DHX57: variants seen among roughly 807,000 people sequenced by gnomAD.
DHX57 encodes the protein putative ATP-dependent RNA helicase DHX57.
A neutral mutation model predicts 156.2 loss-of-function variants in DHX57; 105 were observed. The observed-to-expected ratio is 0.67, with a 90% CI of 0.57 to 0.79. DHX57 has a LOEUF of 0.79. Among genes scored for constraint, DHX57 ranks in the 30% least tolerant of loss-of-function variants. The pLI is 0.00. For missense variants in DHX57, 1,847 were observed against 1,661.9 expected (o/e 1.11, Z -1.94); for synonymous variants, 704 against 595.6 (o/e 1.18, Z -2.65).
rs776039924 is a variant in DHX57, at chr2:38,847,095, A to C, written c.2165-22T>G. On this transcript the variant is annotated intron_variant, in intron 10 of 23. Coordinates refer to ENST00000457308, the MANE Select transcript of DHX57 (RefSeq NM_198963.3). The stretch of plus-strand genomic sequence containing the variant: ...CGACCTAGAAAAACAAGGAGACAAA[A>C]TAGAAAGCCTGAGAACACCCATTCA... 2.5e-6 allele frequency: 4 copies of C among 1,605,368 alleles called. 1 individual carries two copies. The South Asian group carries it at 4.4e-5, about 18-fold the overall frequency.
At chr2:38,852,542 A>C (rs760493621) in intron 9 of DHX57, among the ~76,000 whole-genome samples, 1 of 151,764 alleles carries the variant, frequency 6.6e-6, no homozygotes, top group Non-Finnish European at 1.5e-5. Context: ...CCACATGACA[A>C]ACTATGATTA....
chr2:38,861,601 C>G lies in DHX57; in HGVS notation c.809G>C (p.Arg270Thr), dbSNP rs1309769748. 2.5e-6 allele frequency: 4 copies of G among 1,614,192 alleles called. No individual in the cohort carries two copies. The South Asian group carries it at 3.3e-5, about 13-fold the overall frequency. ...CAGTTCTAACCCAATGGTCCAGACT[C>G]TGTTCTGAATTCTTTCTATAAATTT... is the stretch of plus-strand genomic sequence containing the variant. ...GEKFIERIQN[R>T]VWTIGLELEY... Residue 270 changes from arginine to threonine, a missense_variant, in exon 5 of 24, where the codon AGA becomes ACA. By Grantham distance (71) the Arg-to-Thr change is moderately conservative. Transcript: ENST00000457308.
intron 5 of DHX57, among the ~76,000 whole-genome samples, chr2:38,860,615 A>G (rs1233756212): frequency 6.6e-6 from 1 of 152,234 alleles, no homozygotes; most frequent in Non-Finnish European, 1.5e-5. Context: ...TATAGAAAGC[A>G]AAATATCTCT....
rs1167208393 is a variant in DHX57 at position 38,797,971 on chromosome 2, A to G, written c.*328T>C. 1 of 207,138 alleles carries G rather than the reference A, an allele frequency of 4.8e-6. No homozygotes were observed. Among genetic ancestry groups the G allele is most frequent in the Non-Finnish European group, 1.1e-5 (1 of 93,998 alleles). 12.8% of individuals were successfully genotyped at this position (207,138 alleles called of 1,614,324 possible). A position where few individuals can be genotyped will look rare whatever the true frequency, so the allele number is the denominator to read the frequency against. ...GTAAAAAGTAGGAGAAAAAGAATAC[A>G]CAGATTAAAACAGAATTGTATTATA... On this transcript the variant is annotated 3_prime_UTR_variant, in exon 24 of 24. Transcript: ENST00000457308.
intron 1 of DHX57, among the ~76,000 whole-genome samples, chr2:38,875,545 C>G (rs1200056554): frequency 2.6e-5 from 4 of 152,180 alleles, no homozygotes; most frequent in Non-Finnish European, 4.4e-5. Context: ...CGGCCCCAAC[C>G]TGCAGTTTGA....
intron 2 of DHX57, among the ~76,000 whole-genome samples, chr2:38,865,328 C>T (rs1351941002): frequency 6.6e-6 from 1 of 152,132 alleles, no homozygotes; most frequent in Non-Finnish European, 1.5e-5. Context: ...AGTAACTTCT[C>T]ACGAGATCTG....
chr2:38,832,341 G>A (rs976727308), intron 13 of DHX57, among the ~76,000 whole-genome samples: 15 of 151,954 alleles, frequency 9.9e-5, no homozygotes, highest in Middle Eastern at 3.2e-3. Flanking sequence ...ACGGGAGGCT[G>A]AGGCAGGACA....
At chr2:38,825,796 T>A (rs753496198) in intron 16 of DHX57, 51 bp downstream of exon 16, 3 of 1,573,502 alleles carry the variant, frequency 1.9e-6, no homozygotes, top group Non-Finnish European at 2.6e-6. Flanking sequence ...CTTAATAGAG[T>A]GAGAAACATT....
chr2:38,818,312 G>T (rs926268116), intron 19 of DHX57, among the ~76,000 whole-genome samples: 1 of 152,118 alleles, frequency 6.6e-6, no homozygotes, highest in Non-Finnish European at 1.5e-5. Context: ...GGATCATGAG[G>T]TCAGGAGTTC....
intron 12 of DHX57, among the ~76,000 whole-genome samples, chr2:38,840,925 C>A (rs947458059): frequency 6.6e-6 from 1 of 152,112 alleles, no homozygotes; most frequent in African/African-American, 2.4e-5. Context: ...CTCAAGCAAT[C>A]CTCCCGCCTC....
chr2:38,846,897 C>A, intron 11 of DHX57, 122 bp downstream of exon 11: 1 of 625,514 alleles, frequency 1.6e-6, no homozygotes, highest in Admixed American at 3.4e-5. Context: ...ATATGTTGCC[C>A]AAGCTGGTCT....
intron 9 of DHX57, among the ~76,000 whole-genome samples, chr2:38,851,873 A>G (rs1314419641): frequency 6.6e-6 from 1 of 152,198 alleles, no homozygotes; most frequent in Non-Finnish European, 1.5e-5. Flanking sequence ...ATTTTGTTAA[A>G]AAAATTTCTT....
At chr2:38,830,510 C>T (rs1671323475) in intron 13 of DHX57, among the ~76,000 whole-genome samples, 1 of 152,034 alleles carries the variant, frequency 6.6e-6, no homozygotes, top group African/African-American at 2.4e-5. Flanking sequence ...TGCCTGTAAT[C>T]CCAGCTACTT....
intron 13 of DHX57, among the ~76,000 whole-genome samples, chr2:38,833,199 G>A (rs904425211): frequency 4.6e-5 from 7 of 151,876 alleles, no homozygotes; most frequent in Admixed American, 1.3e-4. Context: ...CTGGAGTGCG[G>A]TGGCGCGATC....
chr2:38,802,874 C>A lies in DHX57; in HGVS notation c.3858G>T (p.Lys1286Asn), dbSNP rs1467350007. Residue 1286 changes from lysine to asparagine, a missense_variant, in exon 23 of 24, where the codon AAG becomes AAT. Coordinates refer to ENST00000457308, the MANE Select transcript of DHX57 (RefSeq NM_198963.3). ...GGATGAATACTCGACTAGTTTTTAT[C>A]TTCTCGTGGTACAACAGGTAGGGGC... ...FDSPYLLYHE[K>N]IKTSRVFIRD... The A allele has an allele frequency of 1.2e-6, 2 of 1,614,038 alleles. No individual in the cohort carries two copies. The highest frequency in any genetic ancestry group is 1.7e-6 in the Non-Finnish European group (2 of 1,180,028).
chr2:38,874,965 T>C (rs1206807779), intron 1 of DHX57, among the ~76,000 whole-genome samples: 1 of 152,188 alleles, frequency 6.6e-6, no homozygotes, highest in Non-Finnish European at 1.5e-5. Flanking sequence ...TCAAAAACCA[T>C]GCAGCCCAGG....
chr2:38,875,927 C>A lies in DHX57; in HGVS notation c.-147G>T. 1 of 397,170 alleles carries A rather than the reference C, an allele frequency of 2.5e-6. No individual in the cohort carries two copies. The highest frequency in any genetic ancestry group is 4.4e-6 in the Non-Finnish European group (1 of 225,650). 24.6% of individuals were successfully genotyped at this position (397,170 alleles called of 1,614,324 possible). A position where few individuals can be genotyped will look rare whatever the true frequency, so the allele number is the denominator to read the frequency against. On this transcript the variant is annotated 5_prime_UTR_variant, in exon 1 of 24. Coordinates refer to ENST00000457308, the MANE Select transcript of DHX57 (RefSeq NM_198963.3). ...CCCAGCTGCAGCGGCACAGTCCCGGCGCCTTCTGATTGGCTCAGCTACAGC... is the reference window on the plus strand; with the variant it reads ...CCCAGCTGCAGCGGCACAGTCCCGGAGCCTTCTGATTGGCTCAGCTACAGC...
chr2:38,811,407 C>G (rs1175915752), intron 21 of DHX57: 1 of 575,508 alleles, frequency 1.7e-6, no homozygotes, highest in Admixed American at 2.1e-5. Context: ...AGAGAGGGGC[C>G]CAGGAGGTAG....
intron 21 of DHX57, among the ~76,000 whole-genome samples, chr2:38,807,333 C>T (rs1053515836): frequency 5.9e-5 from 9 of 151,754 alleles, no homozygotes; most frequent in Admixed American, 1.3e-4. Flanking sequence ...GGATTACAGG[C>T]GTGAGCCACT....
Sources: allele counts gnomAD v4.1 joint callset (sites outside exome capture counted in the v4.1 genomes callset), GRCh38; gene constraint gnomAD v4.1.1; transcripts MANE v1.5; gene names NCBI Gene and HGNC (gene_info 2026-07-23, HGNC 2026-07-21).